Variants in PARD3B observed in about 807,000 individuals in gnomAD.
PARD3B encodes the protein partitioning defective 3 homolog B.
In PARD3B, 103 loss-of-function variants were observed where a neutral mutation model predicts 130.2. That is an observed-to-expected ratio of 0.79 (90% CI 0.67 to 0.93). The LOEUF is 0.93. Among genes scored for constraint, PARD3B ranks in the 40% least tolerant of loss-of-function variants. The pLI is 0.00. For synonymous variants in PARD3B, 583 were observed against 553.2 expected (o/e 1.05, Z -0.76); for missense variants, 1,609 against 1,499.2 (o/e 1.07, Z -1.21).
chr2:205,298,480 C>A (rs1400773696), intron 16 of PARD3B, among the ~76,000 whole-genome samples: 1 of 98,674 alleles, frequency 1.0e-5, no homozygotes, highest in Non-Finnish European at 2.0e-5. Flanking sequence ...TGAAATTTGT[C>A]CCTGAAATTT....
intron 16 of PARD3B, among the ~76,000 whole-genome samples, chr2:205,264,737 A>G (rs1439205946): frequency 2.0e-5 from 3 of 151,230 alleles, no homozygotes; most frequent in Admixed American, 6.6e-5. Flanking sequence ...AGTAAAAATA[A>G]ATTTTGAATA....
intron 22 of PARD3B, among the ~76,000 whole-genome samples, chr2:205,578,393 C>T (rs575516948): frequency 2.6e-5 from 4 of 152,260 alleles, no homozygotes; most frequent in Admixed American, 6.5e-5. Context: ...AAAGAAAGAC[C>T]GTTCTCTTGC....
In PARD3B at chr2:205,301,649, A is replaced by T; in HGVS notation, c.2578A>T (p.Asn860Tyr). Residue 860 changes from asparagine to tyrosine, a missense_variant, in exon 18 of 23, where the codon AAT becomes TAT. By Grantham distance (143) the Asn-to-Tyr change is moderately radical. Transcript: ENST00000406610. This position sits in a 1 kb window ranked among gnomAD's most constrained non-coding sequence, Gnocchi z 5.2. ...KVKEKKRKEE[N>Y]EDPERKIKKK... ...CAAGGAGAAAAAGCGCAAAGAGGAG[A>T]ATGAAGATCCAGAAAGGAAAATAAA... The T allele has an allele frequency of 6.2e-7, 1 of 1,612,706 alleles. No individual in the cohort carries two copies. The highest frequency in any genetic ancestry group is 1.1e-5 in the South Asian group (1 of 91,054).
chr2:205,268,324 C>T lies in PARD3B; in HGVS notation c.2185+22502C>T, dbSNP rs181993277. On this transcript the variant is annotated intron_variant, in intron 16 of 22. Coordinates refer to ENST00000406610, the MANE Select transcript of PARD3B (RefSeq NM_001302769.2). This position sits in a 1 kb window ranked among gnomAD's most constrained non-coding sequence, Gnocchi z 4.1. ...CACTCATATAATTGGTTTTTGAGAA[C>T]GGTTCCAATATATTGGGAGAAAAAT... is the stretch of plus-strand genomic sequence containing the variant. Among the ~76,000 whole-genome samples the T allele has an allele frequency of 7.9e-5, 12 of 152,268 alleles. No homozygotes were observed. The highest frequency in any genetic ancestry group is 1.5e-4 in the Non-Finnish European group (10 of 68,032).
At chr2:204,759,335 G>T (rs923228251) in intron 2 of PARD3B, among the ~76,000 whole-genome samples, 1 of 152,028 alleles carries the variant, frequency 6.6e-6, no homozygotes, top group African/African-American at 2.4e-5. Flanking sequence ...AATTAAAAAG[G>T]AAATCTCTTT....
At chr2:205,038,087 C>G (rs898241116) in intron 3 of PARD3B, among the ~76,000 whole-genome samples, 1 of 152,020 alleles carries the variant, frequency 6.6e-6, no homozygotes, top group Non-Finnish European at 1.5e-5. Flanking sequence ...GTCACATGAT[C>G]TAGGACATTT....
chr2:204,988,853 C>T (rs1053662506), intron 3 of PARD3B, among the ~76,000 whole-genome samples: 6 of 152,154 alleles, frequency 3.9e-5, no homozygotes, highest in African/African-American at 1.4e-4. Context: ...ATGCTGTCCA[C>T]GCCCTGACAC....
intron 2 of PARD3B, among the ~76,000 whole-genome samples, chr2:204,919,766 T>C (rs1218683596): frequency 6.6e-6 from 1 of 152,184 alleles, no homozygotes; most frequent in East Asian, 1.9e-4. Context: ...CAAAACAGTC[T>C]TATTATCACC....
intron 1 of PARD3B, among the ~76,000 whole-genome samples, chr2:204,622,335 G>C (rs2034333581): frequency 6.6e-6 from 1 of 152,154 alleles, no homozygotes; most frequent in African/African-American, 2.4e-5. Flanking sequence ...GCAAAAGTGA[G>C]CCCTCTTCTC....
chr2:204,583,717 C>T lies in PARD3B; in HGVS notation c.120+37598C>T, dbSNP rs980619878. Among the ~76,000 whole-genome samples, 17 of 151,750 alleles carry T rather than the reference C, an allele frequency of 1.1e-4. 1 individual carries two copies. The highest frequency in any genetic ancestry group is 3.9e-4 in the Admixed American group (6 of 15,270). ...AGGACCACCTGCGTGAGAATCCCCTCGGGTTATTACATAAAGAGATTCCTG... is the reference window on the plus strand; with the variant it reads ...AGGACCACCTGCGTGAGAATCCCCTTGGGTTATTACATAAAGAGATTCCTG... On this transcript the variant is annotated intron_variant, in intron 1 of 22. Coordinates refer to ENST00000406610, the MANE Select transcript of PARD3B (RefSeq NM_001302769.2).
At chr2:205,095,412 C>T (rs1702337434) in intron 4 of PARD3B, among the ~76,000 whole-genome samples, 1 of 152,062 alleles carries the variant, frequency 6.6e-6, no homozygotes, top group African/African-American at 2.4e-5. Context: ...GGAGGGGTTG[C>T]AGAATTACTT....
chr2:205,548,831 A>T (rs1424653519), intron 21 of PARD3B, among the ~76,000 whole-genome samples: 1 of 152,170 alleles, frequency 6.6e-6, no homozygotes, highest in Non-Finnish European at 1.5e-5. Flanking sequence ...GAATGAGGAG[A>T]GAAGCTACAG....
At chr2:205,350,166 C>T (rs546405383) in intron 18 of PARD3B, among the ~76,000 whole-genome samples, 87 of 152,288 alleles carry the variant, frequency 5.7e-4, no homozygotes, top group Non-Finnish European at 8.4e-4. Context: ...AAAAGCACAT[C>T]ACAGGCAAAC....
chr2:204,855,552 A>AAATAT (rs892814373), intron 2 of PARD3B, among the ~76,000 whole-genome samples: 17 of 143,150 alleles, frequency 1.2e-4, no homozygotes, highest in African/African-American at 4.0e-4. Context: ...AAGAAAAAAA[A>AAATAT]ATATATATAT....
At position 205,199,453 on chromosome 2, in the gene PARD3B, CTGTG is replaced by C. The variant is rs963469796; in HGVS notation, c.2140+6139_2140+6142del. Among the ~76,000 whole-genome samples, 3 of 152,002 alleles carry C rather than the reference CTGTG, an allele frequency of 2.0e-5. No individual in the cohort carries two copies. In the East Asian group the frequency reaches 5.8e-4, roughly 29 times the overall value. On this transcript the variant is annotated intron_variant, in intron 15 of 22. Transcript: ENST00000406610. ...ATATATACATATATGTACATTTTTA[CTGTG>C]TGTGTATATACACATACACACACAC...
intron 18 of PARD3B, among the ~76,000 whole-genome samples, chr2:205,337,871 C>T (rs58450051): frequency 0.094 from 14,237 of 151,948 alleles, 1,111 homozygotes; most frequent in African/African-American, 0.21. Flanking sequence ...AAATGCTGGC[C>T]GGGCATGGTG....
intron 2 of PARD3B, among the ~76,000 whole-genome samples, chr2:204,798,674 C>T (rs1040984840): frequency 1.3e-5 from 2 of 152,032 alleles, no homozygotes; most frequent in African/African-American, 4.8e-5. Context: ...AGAGGACTTT[C>T]TATTACAACT....
intron 4 of PARD3B, among the ~76,000 whole-genome samples, chr2:205,058,692 T>A (rs779637954): frequency 7.9e-5 from 12 of 152,066 alleles, no homozygotes; most frequent in Non-Finnish European, 1.5e-4. Flanking sequence ...TAATGCTTAG[T>A]GATACTGGGC....
Position 204,660,957 on chromosome 2 carries a change from T to C in PARD3B, c.121-25224T>C, listed in dbSNP as rs532339307. 3.3e-5 allele frequency among the ~76,000 whole-genome samples: 5 copies of C among 152,308 alleles called. No homozygotes were observed. In the East Asian group the frequency reaches 9.7e-4, roughly 29 times the overall value. ...GTTGAGTTTAAACCCAAATTTTCTT[T>C]CATTGCAGTGCCTGGATACCTGTGT... On this transcript the variant is annotated intron_variant, in intron 1 of 22. Transcript: ENST00000406610.
Sources: allele counts gnomAD v4.1 joint callset (sites outside exome capture counted in the v4.1 genomes callset), GRCh38; gene constraint gnomAD v4.1.1; non-coding constraint Gnocchi (gnomAD v3.1); transcripts MANE v1.5; gene names NCBI Gene and HGNC (gene_info 2026-07-23, HGNC 2026-07-21).